The following ATXN7L1 variants were observed in gnomAD, a reference collection of about 807,000 sequenced individuals.
ATXN7L1 encodes the protein ataxin 7 like 1.
ATXN7L1 carries 15 observed loss-of-function variants against 70.8 expected under a neutral mutation model. The observed-to-expected ratio is 0.21, with a 90% confidence interval of 0.14 to 0.33. The LOEUF is 0.33. Among genes scored for constraint, ATXN7L1 ranks in the 10% least tolerant of loss-of-function variants. The probability of loss-of-function intolerance (pLI) is 1.00; values close to 1 mark genes in which losing one functional copy is unlikely to be tolerated. For synonymous variants in ATXN7L1, 440 were observed against 445.1 expected (o/e 0.99, Z 0.14); for missense variants, 975 against 1,097.1 (o/e 0.89, Z 1.57).
rs370805832 is a variant in ATXN7L1, at chr7:105,875,636, C to CCCA, written c.250+175_250+176insTGG. On this transcript the variant is annotated intron_variant, in intron 2 of 11. Coordinates refer to ENST00000419735, the MANE Select transcript of ATXN7L1 (RefSeq NM_020725.2). ...AGTCTCACCCCCCTTTACCCCCCCC[C>CCCA]CAGTTGTATTTATACTTTGAAAGAA... is the stretch of plus-strand genomic sequence containing the variant. 3.6e-3 allele frequency among the ~76,000 whole-genome samples: 477 copies of CCCA among 131,472 alleles called. 4 individuals carry two copies. Among genetic ancestry groups the CCCA allele is most frequent in the Middle Eastern group, 3.9e-3 (1 of 256 alleles). 86.3% of individuals were successfully genotyped at this position (131,472 alleles called of 152,430 possible).
chr7:105,712,494 T>C (rs1794052469), intron 3 of ATXN7L1, among the ~76,000 whole-genome samples: 1 of 152,206 alleles, frequency 6.6e-6, no homozygotes, highest in Non-Finnish European at 1.5e-5. Flanking sequence ...CATGAGCATA[T>C]ACTTTTAGAA....
At chr7:105,647,205 C>T (rs138515356) in intron 4 of ATXN7L1, among the ~76,000 whole-genome samples, 15 of 152,300 alleles carry the variant, frequency 9.8e-5, no homozygotes, top group African/African-American at 3.4e-4. Flanking sequence ...AGATCTAGTT[C>T]TTGTTGCATG....
rs149701609 is a variant in ATXN7L1, at chr7:105,759,806, C to A, written c.355+28798G>T. Among the ~76,000 whole-genome samples the A allele has an allele frequency of 5.4e-3, 824 of 152,256 alleles. 10 individuals carry two copies. The highest frequency in any genetic ancestry group is 0.017 in the African/African-American group (702 of 41,518). ...TTCTTTACTTGTCAGCACCTGCTGG[C>A]AGCAGCTGGAGTAATCTTACCAATT... On this transcript the variant is annotated intron_variant, in intron 3 of 11. Transcript: ENST00000419735.
intron 4 of ATXN7L1, among the ~76,000 whole-genome samples, chr7:105,662,002 ATTCT>A (rs1256411470): frequency 6.8e-6 from 1 of 147,940 alleles, no homozygotes; most frequent in African/African-American, 2.5e-5. Flanking sequence ...GTTTCTTTAG[ATTCT>A]TTCTTTTCTT....
At chr7:105,784,617 C>T (rs889109959) in intron 3 of ATXN7L1, among the ~76,000 whole-genome samples, 1 of 152,040 alleles carries the variant, frequency 6.6e-6, no homozygotes, top group Non-Finnish European at 1.5e-5. Context: ...AGAACTGCAT[C>T]CAGCTGGGGG....
At chr7:105,739,628 G>A (rs915267216) in intron 3 of ATXN7L1, among the ~76,000 whole-genome samples, 3 of 152,188 alleles carry the variant, frequency 2.0e-5, no homozygotes, top group African/African-American at 7.2e-5. Context: ...GTGACCTTGG[G>A]CATGTCATTC....
chr7:105,770,276 T>A (rs182372182), intron 3 of ATXN7L1, among the ~76,000 whole-genome samples: 1 of 152,380 alleles, frequency 6.6e-6, no homozygotes, highest in East Asian at 1.9e-4. Context: ...GAAATAGTTG[T>A]ACATACAATG....
intron 4 of ATXN7L1, among the ~76,000 whole-genome samples, chr7:105,664,575 G>GTATATATA (rs1554416470): frequency 1.5e-5 from 2 of 131,946 alleles, no homozygotes; most frequent in South Asian, 4.9e-4. Flanking sequence ...GTATGTGTGT[G>GTATATATA]TATATATATA....
rs531066353 is a variant in ATXN7L1 at position 105,847,776 on chromosome 7, C to A, written c.250+28036G>T. ...GAAAGGCTAATATATATGAAAAGTG[C>A]CTGGCATATAATAGTTGTTCAGTAA... On this transcript the variant is annotated intron_variant, in intron 2 of 11. Transcript: ENST00000419735. Among the ~76,000 whole-genome samples the A allele has an allele frequency of 2.0e-5, 3 of 152,282 alleles. No individual in the cohort carries two copies. In the South Asian group the frequency reaches 6.2e-4, roughly 32 times the overall value.
chr7:105,715,882 T>C (rs1044842007), intron 3 of ATXN7L1, among the ~76,000 whole-genome samples: 1 of 152,186 alleles, frequency 6.6e-6, no homozygotes, highest in Non-Finnish European at 1.5e-5. Flanking sequence ...TCTGGGCATA[T>C]GGATACCTTG....
chr7:105,761,489 C>T, intron 3 of ATXN7L1: 2 of 1,613,542 alleles, frequency 1.2e-6, no homozygotes, highest in East Asian at 2.2e-5. Flanking sequence ...GCTTTGTTGG[C>T]ATTTGCTGAA....
At chr7:105,611,089 A>G (rs1431154558) in intron 10 of ATXN7L1, among the ~76,000 whole-genome samples, 7 of 152,186 alleles carry the variant, frequency 4.6e-5, no homozygotes, top group Admixed American at 4.6e-4. Flanking sequence ...CCCGGCTAGG[A>G]GATGTAACGC....
chr7:105,805,754 C>A (rs542972904), intron 2 of ATXN7L1, among the ~76,000 whole-genome samples: 26 of 152,106 alleles, frequency 1.7e-4, no homozygotes, highest in Middle Eastern at 3.4e-3. Context: ...AGGGGCAGCC[C>A]GGGTCGTGGG....
chr7:105,875,904 A>C, intron 1 of ATXN7L1, 24 bp from the exon 2 acceptor site: 1 of 1,607,456 alleles, frequency 6.2e-7, no homozygotes, highest in Non-Finnish European at 8.5e-7. Context: ...AGAAAAGGAA[A>C]ACAGAAAATA....
intron 3 of ATXN7L1, chr7:105,761,153 T>G (rs1657522443): frequency 8.0e-7 from 1 of 1,251,170 alleles, no homozygotes; most frequent in Non-Finnish European, 1.0e-6. Flanking sequence ...AGCTTTGTGG[T>G]GGTGAAAATG....
intron 4 of ATXN7L1, among the ~76,000 whole-genome samples, chr7:105,647,859 C>G (rs1050808030): frequency 7.2e-5 from 11 of 152,180 alleles, no homozygotes; most frequent in African/African-American, 2.7e-4. Context: ...TGAGCTTGGG[C>G]CAGGCCAGCT....
intron 2 of ATXN7L1, among the ~76,000 whole-genome samples, chr7:105,859,755 T>G (rs1049812693): frequency 2.7e-5 from 4 of 150,904 alleles, no homozygotes; most frequent in Admixed American, 6.7e-5. Flanking sequence ...AAGGAATGCA[T>G]GACTGTATAT....
intron 3 of ATXN7L1, among the ~76,000 whole-genome samples, chr7:105,716,998 C>T (rs755535309): frequency 4.6e-5 from 7 of 152,134 alleles, no homozygotes; most frequent in Non-Finnish European, 7.4e-5. Context: ...AAATGACCCA[C>T]AGTCACCATA....
At chr7:105,714,184 G>A (rs1351897459) in intron 3 of ATXN7L1, among the ~76,000 whole-genome samples, 2 of 152,208 alleles carry the variant, frequency 1.3e-5, no homozygotes, top group Admixed American at 1.3e-4. Context: ...CCCACTAATT[G>A]GCAGGGTCAG....
Sources: gnomAD v4.1 joint callset for allele counts (sites outside exome capture counted in the v4.1 genomes callset) on GRCh38, gnomAD v4.1.1 for gene constraint, MANE v1.5 for transcripts, NCBI Gene and HGNC (gene_info 2026-07-23, HGNC 2026-07-21) for gene names.